Variants in SYNDIG1L observed in about 807,000 individuals in gnomAD.
SYNDIG1L encodes synapse differentiation-inducing gene protein 1-like.
In SYNDIG1L, 13 loss-of-function variants were observed where a neutral mutation model predicts 20.1. The observed-to-expected ratio is 0.65, with a 90% CI of 0.42 to 1.03. The LOEUF (loss-of-function observed/expected upper bound fraction) is 1.03, where lower values mean the gene tolerates loss of function less well. SYNDIG1L is among the 50% of genes least tolerant of loss of function. The pLI, the probability that SYNDIG1L is intolerant of heterozygous loss-of-function variation, is 0.00. For missense variants in SYNDIG1L, 294 were observed against 305.1 expected (o/e 0.96, Z 0.27); for synonymous variants, 128 against 129.3 (o/e 0.99, Z 0.07).
At chr14:74,461,716 C>G in the SYNDIG1L span, among the ~76,000 whole-genome samples, 4 of 151,628 alleles carry the variant, frequency 2.6e-5, no homozygotes, top group Non-Finnish European at 5.9e-5. Flanking sequence ...TCTCAGTCTC[C>G]CTGCCTTCAT....
At chr14:74,435,813 G>A in the SYNDIG1L span, among the ~76,000 whole-genome samples, 24 of 152,324 alleles carry the variant, frequency 1.6e-4, no homozygotes, top group African/African-American at 4.8e-4. Flanking sequence ...ACTTTCAGCC[G>A]TGGAAAGTGA....
At chr14:74,468,634 T>A in the SYNDIG1L span, among the ~76,000 whole-genome samples, 2 of 152,102 alleles carry the variant, frequency 1.3e-5, no homozygotes, top group Non-Finnish European at 2.9e-5. Context: ...TCCCCCTGCT[T>A]GGAAACCTGC....
At chr14:74,424,151 A>G (rs2086247028) in intron 1 of SYNDIG1L, among the ~76,000 whole-genome samples, 1 of 152,198 alleles carries the variant, frequency 6.6e-6, no homozygotes, top group Non-Finnish European at 1.5e-5. Flanking sequence ...GTATTCAAGC[A>G]GAATTGAGGG....
the SYNDIG1L span, among the ~76,000 whole-genome samples, chr14:74,439,114 C>CAA: frequency 1.3e-3 from 82 of 65,020 alleles, no homozygotes; most frequent in East Asian, 1.9e-3. Flanking sequence ...AACTCTGTCT[C>CAA]AAAAAAAAAA....
chr14:74,413,946 G>A (rs562304198), intron 1 of SYNDIG1L, among the ~76,000 whole-genome samples: 1 of 152,300 alleles, frequency 6.6e-6, no homozygotes, highest in South Asian at 2.1e-4. Flanking sequence ...TGGGGAGTTC[G>A]CGGACGTGAT....
At chr14:74,439,518 G>A in the SYNDIG1L span, among the ~76,000 whole-genome samples, 1 of 152,070 alleles carries the variant, frequency 6.6e-6, no homozygotes, top group Non-Finnish European at 1.5e-5. Context: ...ACTTTGTGGC[G>A]GGTTTTTAGT....
At chr14:74,439,083 T>C in the SYNDIG1L span, among the ~76,000 whole-genome samples, 5 of 144,864 alleles carry the variant, frequency 3.5e-5, no homozygotes, top group Non-Finnish European at 6.0e-5. Context: ...CATTGCACTC[T>C]AGCTTGGGTG....
chr14:74,469,022 G>A, the SYNDIG1L span, among the ~76,000 whole-genome samples: 1 of 152,094 alleles, frequency 6.6e-6, no homozygotes, highest in Non-Finnish European at 1.5e-5. Flanking sequence ...AGGCCCTTGG[G>A]GGTCATCCTT....
At chr14:74,467,696 G>A in the SYNDIG1L span, among the ~76,000 whole-genome samples, 1 of 152,232 alleles carries the variant, frequency 6.6e-6, no homozygotes, top group African/African-American at 2.4e-5. Flanking sequence ...GATGAGGAGG[G>A]ATTGGGGGGA....
At chr14:74,419,449 C>T (rs2086204054) in intron 1 of SYNDIG1L, among the ~76,000 whole-genome samples, 1 of 152,166 alleles carries the variant, frequency 6.6e-6, no homozygotes, top group African/African-American at 2.4e-5. Context: ...TACTGAGACT[C>T]TCTGGGAAGA....
intron 1 of SYNDIG1L, among the ~76,000 whole-genome samples, chr14:74,420,727 A>G (rs920543082): frequency 2.0e-5 from 3 of 152,252 alleles, no homozygotes; most frequent in African/African-American, 7.2e-5. Context: ...ATATCTTTTA[A>G]AAGAATAAAA....
At chr14:74,470,080 G>A in the SYNDIG1L span, among the ~76,000 whole-genome samples, 1 of 152,154 alleles carries the variant, frequency 6.6e-6, no homozygotes, top group Non-Finnish European at 1.5e-5. Flanking sequence ...ATGCAGTCAG[G>A]AGGAAGTGGA....
At chr14:74,422,328 G>A (rs763852128) in intron 1 of SYNDIG1L, among the ~76,000 whole-genome samples, 48 of 152,226 alleles carry the variant, frequency 3.2e-4, no homozygotes, top group Non-Finnish European at 5.0e-4. Flanking sequence ...AGTCTTTAGT[G>A]TCCCCTGGCT....
At chr14:74,442,246 A>G in the SYNDIG1L span, among the ~76,000 whole-genome samples, 47 of 152,208 alleles carry the variant, frequency 3.1e-4, no homozygotes, top group African/African-American at 9.9e-4. Context: ...GCAGAACACA[A>G]ACAATACCTG....
intron 1 of SYNDIG1L, among the ~76,000 whole-genome samples, chr14:74,419,611 A>G (rs987224904): frequency 6.6e-6 from 1 of 152,208 alleles, no homozygotes; most frequent in Non-Finnish European, 1.5e-5. Context: ...GAAGGGTAGA[A>G]AACACAGACT....
intron 1 of SYNDIG1L, among the ~76,000 whole-genome samples, chr14:74,425,454 GC>G (rs1346596611): frequency 6.6e-6 from 1 of 152,216 alleles, no homozygotes; most frequent in African/African-American, 2.4e-5. Flanking sequence ...CATTTCCAGG[GC>G]AGAGAAATCT....
In SYNDIG1L at chr14:74,407,627, G is replaced by T. The variant is rs772546987; in HGVS notation, c.625C>A (p.Leu209Ile). The T allele has an allele frequency of 6.2e-7, 1 of 1,614,052 alleles. No individual in the cohort carries two copies. The highest frequency in any genetic ancestry group is 1.1e-5 in the South Asian group (1 of 91,080). The change falls in exon 4 of 4, where the codon CTA (leucine) becomes ATA (isoleucine). Residue 209 changes from leucine to isoleucine, a missense_variant. Leu to Ile is a conservative substitution (Grantham distance 5, BLOSUM62 2). Transcript: ENST00000331628. ...ASTTSRRALF[L>I]ATLAIAVGAG... is the part of the protein sequence containing the mutation. Reference sequence around the variant, plus strand: ...CCCACGGCGATGGCGAGTGTGGCTAGGAAGAGGGCCCGGCGGGAGGTGGTG... The same window carrying T: ...CCCACGGCGATGGCGAGTGTGGCTATGAAGAGGGCCCGGCGGGAGGTGGTG...
the SYNDIG1L span, chr14:74,479,831 G>A: frequency 9.3e-4 from 320 of 344,938 alleles, 5 homozygotes; most frequent in Middle Eastern, 7.1e-3. Context: ...AAGAGTTTCT[G>A]AAAAAGTCAT....
chr14:74,450,167 A>G, the SYNDIG1L span, among the ~76,000 whole-genome samples: 1 of 152,188 alleles, frequency 6.6e-6, no homozygotes, highest in Non-Finnish European at 1.5e-5. Flanking sequence ...GCTCACATGA[A>G]AAGTAATAGA....
Sources: gnomAD v4.1 joint callset for allele counts (sites outside exome capture counted in the v4.1 genomes callset) on GRCh38, gnomAD v4.1.1 for gene constraint, MANE v1.5 for transcripts, NCBI Gene and HGNC (gene_info 2026-07-23, HGNC 2026-07-21) for gene names.